RNF138: variants seen among roughly 807,000 people sequenced by gnomAD.
The protein encoded by RNF138 is E3 ubiquitin-protein ligase RNF138.
RNF138 carries 12 observed loss-of-function variants against 31.0 expected under a neutral mutation model. The observed-to-expected ratio is 0.39, with a 90% CI of 0.25 to 0.63. The LOEUF (loss-of-function observed/expected upper bound fraction) is 0.63. RNF138 is among the 20% of genes least tolerant of loss of function. The probability of loss-of-function intolerance (pLI) is 0.52; values close to 1 mark genes in which losing one functional copy is unlikely to be tolerated. For synonymous variants in RNF138, 105 were observed against 99.5 expected, an observed-to-expected ratio of 1.06 and a Z score of -0.33; for missense variants, 192 against 300.1, an observed-to-expected ratio of 0.64 and a Z score of 2.66.
chr18:32,126,489 C>G (rs985178005), intron 6 of RNF138, among the ~76,000 whole-genome samples: 3 of 152,018 alleles, frequency 2.0e-5, no homozygotes, highest in African/African-American at 7.2e-5. Flanking sequence ...AATAGAATGT[C>G]TAAGATTTCT....
chr18:32,093,361 G>A (rs1458673892), intron 2 of RNF138, among the ~76,000 whole-genome samples: 2 of 152,220 alleles, frequency 1.3e-5, no homozygotes, highest in African/African-American at 4.8e-5. Context: ...GACCTGCCCT[G>A]CTTTCAAGTT....
chr18:32,110,396 G>T (rs1278328977), intron 2 of RNF138, among the ~76,000 whole-genome samples: 1 of 152,200 alleles, frequency 6.6e-6, no homozygotes, highest in Non-Finnish European at 1.5e-5. Context: ...CAAATAATGT[G>T]TTAAGCATTT....
At chr18:32,104,053 G>A (rs924634588) in intron 2 of RNF138, among the ~76,000 whole-genome samples, 14 of 141,760 alleles carry the variant, frequency 9.9e-5, no homozygotes, top group African/African-American at 3.2e-4. Context: ...TAGTTCTGTC[G>A]CCCATGCCAG....
chr18:32,093,591 A>G (rs2039749851), intron 2 of RNF138, among the ~76,000 whole-genome samples: 2 of 152,172 alleles, frequency 1.3e-5, no homozygotes, highest in African/African-American at 2.4e-5. Flanking sequence ...CTTTCTGCTT[A>G]CTTATTACTT....
At position 32,130,388 on chromosome 18, in the gene RNF138, C is replaced by G. The variant is rs1380523181; in HGVS notation, c.*1201C>G. 4.6e-5 allele frequency: 7 copies of G among 152,256 alleles called. No homozygotes were observed. The highest frequency in any genetic ancestry group is 2.6e-4 in the Admixed American group (4 of 15,230). 9.4% of individuals were successfully genotyped at this position (152,256 alleles called of 1,614,324 possible). A position where few individuals can be genotyped will look rare whatever the true frequency, so the allele number is the denominator to read the frequency against. On this transcript the variant is annotated 3_prime_UTR_variant, in exon 8 of 8. Coordinates refer to ENST00000261593, the MANE Select transcript of RNF138 (RefSeq NM_016271.5). Reference sequence around the variant, plus strand: ...CCGTGATATAGTGAGAAAGATTCTACCAACCACTGTTTCACTACTTTTTAG... The same window carrying G: ...CCGTGATATAGTGAGAAAGATTCTAGCAACCACTGTTTCACTACTTTTTAG...
chr18:32,111,749 T>C lies in RNF138; in HGVS notation c.111-5T>C, dbSNP rs541879012. On this transcript the variant is annotated splice_region_variant and splice_polypyrimidine_tract_variant and intron_variant, in intron 2 of 7. Coordinates refer to ENST00000261593, the MANE Select transcript of RNF138 (RefSeq NM_016271.5). Reference sequence around the variant, plus strand: ...GTAATTAATGTGTCACAATGTTTGGTTTAGTTTCTGTAGAAAATGTTTCCT... The same window carrying C: ...GTAATTAATGTGTCACAATGTTTGGCTTAGTTTCTGTAGAAAATGTTTCCT... 2 of 1,609,064 alleles carry C rather than the reference T, an allele frequency of 1.2e-6. No individual in the cohort carries two copies.
Position 32,123,566 on chromosome 18 carries a change from G to T in RNF138, c.441G>T (p.Glu147Asp), listed in dbSNP as rs1040860551. The T allele has an allele frequency of 2.5e-6, 4 of 1,583,930 alleles. No individual in the cohort carries two copies. The African/African-American group carries it at 4.1e-5, about 16-fold the overall frequency. Residue 147 changes from glutamate to aspartate, a missense_variant, in exon 5 of 8, where the codon GAG (glutamate) becomes GAT (aspartate). Glu to Asp is a conservative substitution (Grantham distance 45). This residue lies in a region of RNF138 where 140 missense variants were observed against 251.7 expected (regional missense o/e 0.56). Transcript: ENST00000261593. ...STSDNTETYQ[E>D]NTSSSGHPTF... ...CTGATAACACAGAAACTTACCAAGA[G>T]AATACAAGGTAAGCTTTTGAAAAAT... is the stretch of plus-strand genomic sequence containing the variant.
At chr18:32,096,610 A>G (rs1422815041) in intron 2 of RNF138, among the ~76,000 whole-genome samples, 1 of 152,194 alleles carries the variant, frequency 6.6e-6, no homozygotes, top group Non-Finnish European at 1.5e-5. Context: ...GAACAGAAGG[A>G]TAGGAAGAAA....
intron 4 of RNF138, among the ~76,000 whole-genome samples, chr18:32,115,516 G>A (rs2040200318): frequency 6.6e-6 from 1 of 152,146 alleles, no homozygotes; most frequent in Non-Finnish European, 1.5e-5. Context: ...AGGCCAAGGT[G>A]GGCAGATCAC....
chr18:32,119,355 C>T (rs1194289125), intron 4 of RNF138, among the ~76,000 whole-genome samples: 1 of 152,212 alleles, frequency 6.6e-6, no homozygotes, highest in Non-Finnish European at 1.5e-5. Flanking sequence ...CCGCCTTGGC[C>T]TCCTAAAGTG....
chr18:32,127,896 C>T (rs564736664), intron 7 of RNF138, among the ~76,000 whole-genome samples: 1 of 152,098 alleles, frequency 6.6e-6, no homozygotes, highest in East Asian at 1.9e-4. Context: ...CTGGCTAACA[C>T]GGTGAAACCC....
chr18:32,105,802 G>A (rs2040018686), intron 2 of RNF138, among the ~76,000 whole-genome samples: 1 of 152,186 alleles, frequency 6.6e-6, no homozygotes, highest in African/African-American at 2.4e-5. Flanking sequence ...TGGACTGAAT[G>A]TCGTCTGTTC....
At chr18:32,116,574 C>T (rs1239916556) in intron 4 of RNF138, among the ~76,000 whole-genome samples, 1 of 147,202 alleles carries the variant, frequency 6.8e-6, no homozygotes, top group Non-Finnish European at 1.5e-5. Flanking sequence ...TGTTTTTAGA[C>T]AGGGTCTTGC....
intron 4 of RNF138, among the ~76,000 whole-genome samples, chr18:32,115,951 C>T (rs1010504314): frequency 6.6e-6 from 1 of 152,100 alleles, no homozygotes; most frequent in Non-Finnish European, 1.5e-5. Flanking sequence ...AAAATGTGGG[C>T]TTGGAGCCGG....
rs540737773 is a variant in RNF138 at position 32,094,211 on chromosome 18, T to C, written c.110+1325T>C. On this transcript the variant is annotated intron_variant, in intron 2 of 7. Transcript: ENST00000261593. ...CATTCTCCTTCGACTTTTTTTTCTTTTTTTTTTGAGGTGAGGTTCTATAAT... is the reference window on the plus strand; with the variant it reads ...CATTCTCCTTCGACTTTTTTTTCTTCTTTTTTTGAGGTGAGGTTCTATAAT... Among the ~76,000 whole-genome samples the C allele has an allele frequency of 2.4e-4, 36 of 152,118 alleles. No homozygotes were observed. The East Asian group carries it at 4.6e-3, about 20-fold the overall frequency.
intron 4 of RNF138, among the ~76,000 whole-genome samples, chr18:32,120,325 G>C (rs1055336296): frequency 6.6e-6 from 1 of 152,058 alleles, no homozygotes; most frequent in African/African-American, 2.4e-5. Flanking sequence ...TAGAGTTCCA[G>C]ATATTCTGAT....
chr18:32,106,665 C>T (rs901220575), intron 2 of RNF138, among the ~76,000 whole-genome samples: 27 of 151,454 alleles, frequency 1.8e-4, no homozygotes, highest in Admixed American at 1.3e-3. Flanking sequence ...CCCAGGTTCA[C>T]GCCATCCTCC....
intron 1 of RNF138, 199 bp from the exon 2 acceptor site, chr18:32,092,501 G>A (rs1393338235): frequency 2.3e-6 from 1 of 431,746 alleles, no homozygotes; most frequent in Non-Finnish European, 4.2e-6. Flanking sequence ...CCCACGGCAT[G>A]CTGCGAGCCC....
At chr18:32,113,428 C>T (rs1411653112) in intron 3 of RNF138, among the ~76,000 whole-genome samples, 1 of 152,088 alleles carries the variant, frequency 6.6e-6, no homozygotes, top group Non-Finnish European at 1.5e-5. Flanking sequence ...AAGACATGCC[C>T]AATAGCATCT....
Sources: allele counts gnomAD v4.1 joint callset (sites outside exome capture counted in the v4.1 genomes callset), GRCh38; gene constraint gnomAD v4.1.1; regional missense constraint gnomAD v4.1.1; transcripts MANE v1.5; gene names NCBI Gene and HGNC (gene_info 2026-07-23, HGNC 2026-07-21).